The following GABRG3 variants were observed in gnomAD, a reference collection of about 807,000 sequenced individuals.
GABRG3 encodes gamma-aminobutyric acid type A receptor subunit gamma3.
Under a neutral mutation model 48.8 loss-of-function variants are expected in GABRG3, and 25 were observed. The ratio of observed to expected loss-of-function variants is 0.51; its 90% CI spans 0.37 to 0.72. GABRG3 has a LOEUF of 0.72. Among genes scored for constraint, GABRG3 ranks in the 30% least tolerant of loss-of-function variants. The pLI, the probability that GABRG3 is intolerant of heterozygous loss-of-function variation, is 0.00. For missense variants in GABRG3, 394 were observed against 577.9 expected, an observed-to-expected ratio of 0.68 and a Z score of 3.26; for synonymous variants, 227 against 217.6, an observed-to-expected ratio of 1.04 and a Z score of -0.38.
intron 3 of GABRG3, among the ~76,000 whole-genome samples, chr15:27,182,194 A>G (rs532328608): frequency 2.0e-5 from 3 of 152,244 alleles, no homozygotes; most frequent in Non-Finnish European, 4.4e-5. Flanking sequence ...CACCGTCTAC[A>G]GTTTCTGCAG....
intron 2 of GABRG3, among the ~76,000 whole-genome samples, chr15:27,022,887 T>C (rs6606856): frequency 0.27 from 40,308 of 152,090 alleles, 5,460 homozygotes; most frequent in Middle Eastern, 0.38. Context: ...TCTGCTTTAG[T>C]GTTGTGACAG....
intron 3 of GABRG3, among the ~76,000 whole-genome samples, chr15:27,071,543 G>A (rs1417977966): frequency 6.6e-6 from 1 of 152,298 alleles, no homozygotes; most frequent in Non-Finnish European, 1.5e-5. Context: ...TTTCAGTACC[G>A]TGTCCATAGA....
chr15:27,378,106 G>A (rs1303315552), intron 5 of GABRG3, among the ~76,000 whole-genome samples: 4 of 151,252 alleles, frequency 2.6e-5, no homozygotes, highest in East Asian at 1.9e-4. Context: ...CCCTTCCTAC[G>A]GAAAGAAAAA....
chr15:27,251,757 G>A (rs767632485), intron 3 of GABRG3, among the ~76,000 whole-genome samples: 14 of 152,214 alleles, frequency 9.2e-5, no homozygotes, highest in Non-Finnish European at 1.0e-4. Context: ...AGTTGGTTCT[G>A]TAGGGGGAAA....
chr15:27,065,062 C>T (rs1290585738), intron 3 of GABRG3, among the ~76,000 whole-genome samples: 1 of 152,170 alleles, frequency 6.6e-6, no homozygotes, highest in Non-Finnish European at 1.5e-5. Flanking sequence ...TGGGCTCCTG[C>T]ACCCTCTCTT....
chr15:27,161,640 T>C (rs1214248202), intron 3 of GABRG3, among the ~76,000 whole-genome samples: 1 of 152,192 alleles, frequency 6.6e-6, no homozygotes, highest in Non-Finnish European at 1.5e-5. Flanking sequence ...TTCTTAAAAT[T>C]TGAATACTTT....
rs60516105 is a variant in GABRG3 at position 27,001,888 on chromosome 15, G to GTTTTTTT, written c.202+24747_202+24753dup. ...CTTGAAGAGAGGTTCCCATAACTCA[G>GTTTTTTT]TTTTTTTTTTTTTTTAAGATATGGT... On this transcript the variant is annotated intron_variant, in intron 2 of 9. Transcript: ENST00000615808. Among the ~76,000 whole-genome samples, 14 of 121,210 alleles carry GTTTTTTT rather than the reference G, an allele frequency of 1.2e-4. 1 individual carries two copies. The highest frequency in any genetic ancestry group is 4.1e-4 in the African/African-American group (13 of 31,542). The allele number at this position is 121,210 out of a possible 152,430, so 79.5% of individuals were successfully genotyped here.
chr15:27,245,719 A>G (rs989635492), intron 3 of GABRG3, among the ~76,000 whole-genome samples: 1 of 151,404 alleles, frequency 6.6e-6, no homozygotes, highest in African/African-American at 2.4e-5. Context: ...TAAAACCACA[A>G]AAAATTAGCT....
At chr15:27,250,117 C>G (rs1465590488) in intron 3 of GABRG3, among the ~76,000 whole-genome samples, 1 of 152,112 alleles carries the variant, frequency 6.6e-6, no homozygotes, top group Admixed American at 6.5e-5. Flanking sequence ...TGCTCTGTCG[C>G]CTCTGCTGGA....
intron 2 of GABRG3, among the ~76,000 whole-genome samples, chr15:26,992,092 G>T (rs1485280586): frequency 6.6e-6 from 1 of 152,118 alleles, no homozygotes; most frequent in Non-Finnish European, 1.5e-5. Context: ...ACTGTATCCT[G>T]CAACTTAACT....
intron 5 of GABRG3, among the ~76,000 whole-genome samples, chr15:27,393,485 T>C (rs1227205659): frequency 6.6e-6 from 1 of 152,176 alleles, no homozygotes; most frequent in Non-Finnish European, 1.5e-5. Context: ...AATGACCATA[T>C]ACATATACAC....
intron 6 of GABRG3, chr15:27,481,333 A>G (rs911387747): frequency 2.9e-5 from 24 of 838,906 alleles, no homozygotes; most frequent in Non-Finnish European, 3.3e-5. Context: ...TGTTCTGCCT[A>G]TGAATATATG....
chr15:27,270,135 A>G (rs1891036060), intron 3 of GABRG3, among the ~76,000 whole-genome samples: 1 of 152,196 alleles, frequency 6.6e-6, no homozygotes, highest in Non-Finnish European at 1.5e-5. Flanking sequence ...GTAGAGTAAT[A>G]TAAAAATGGT....
At chr15:27,501,120 T>C (rs1426004289) in intron 6 of GABRG3, among the ~76,000 whole-genome samples, 1 of 151,822 alleles carries the variant, frequency 6.6e-6, no homozygotes, top group Admixed American at 6.6e-5. Flanking sequence ...CCCAGCAAAT[T>C]TTTTGTATTT....
At chr15:27,306,171 A>T (rs887722171) in intron 3 of GABRG3, among the ~76,000 whole-genome samples, 1 of 133,766 alleles carries the variant, frequency 7.5e-6, no homozygotes, top group African/African-American at 2.7e-5. Context: ...ATATGTTTAT[A>T]TATAAACATA....
intron 3 of GABRG3, among the ~76,000 whole-genome samples, chr15:27,301,935 A>C (rs528299966): frequency 3.9e-5 from 6 of 152,262 alleles, no homozygotes; most frequent in African/African-American, 1.4e-4. Context: ...CTGAGAGGAA[A>C]GAGCTGCCAA....
chr15:27,087,629 G>A (rs1897100069), intron 3 of GABRG3, among the ~76,000 whole-genome samples: 1 of 152,202 alleles, frequency 6.6e-6, no homozygotes, highest in Admixed American at 6.5e-5. Flanking sequence ...ATGCAAATGT[G>A]TGAGATTGTA....
intron 5 of GABRG3, among the ~76,000 whole-genome samples, chr15:27,399,383 CCTGTGCTTAAGATG>C (rs1288734754): frequency 1.1e-4 from 17 of 152,166 alleles, no homozygotes; most frequent in African/African-American, 4.1e-4. Context: ...TGGACTCAAA[CCTGTGCTTAAGATG>C]CATAATAACG....
At chr15:27,004,257 C>T (rs1895534183) in intron 2 of GABRG3, among the ~76,000 whole-genome samples, 1 of 151,370 alleles carries the variant, frequency 6.6e-6, no homozygotes, top group Admixed American at 6.6e-5. Context: ...CAGAAGGTCT[C>T]CTCACTTCTC....
Sources: gnomAD v4.1 joint callset for allele counts (sites outside exome capture counted in the v4.1 genomes callset) on GRCh38, gnomAD v4.1.1 for gene constraint, MANE v1.5 for transcripts, NCBI Gene and HGNC (gene_info 2026-07-23, HGNC 2026-07-21) for gene names.